Variants in PLA2G5 observed in about 807,000 individuals in gnomAD.
PLA2G5 encodes Ca2+-dependent phospholipase A2.
A neutral mutation model predicts 15.9 loss-of-function variants in PLA2G5; 12 were observed. The observed-to-expected ratio is 0.76, with a 90% CI of 0.48 to 1.23. The LOEUF (loss-of-function observed/expected upper bound fraction) is 1.23, where lower values mean the gene tolerates loss of function less well. Among genes scored for constraint, PLA2G5 ranks in the 50% most tolerant of loss-of-function variants. The pLI is 0.00. For missense variants in PLA2G5, 169 were observed against 177.1 expected, an observed-to-expected ratio of 0.95 and a Z score of 0.26; for synonymous variants, 71 against 71.4, an observed-to-expected ratio of 0.99 and a Z score of 0.03.
intron 1 of PLA2G5, among the ~76,000 whole-genome samples, chr1:20,033,251 C>T (rs1415516574): frequency 6.6e-5 from 10 of 152,110 alleles, no homozygotes; most frequent in Admixed American, 2.6e-4. Context: ...AAAGAGCTTC[C>T]GTTAATGAAC....
chr1:20,079,527 TA>T (rs777737050), intron 1 of PLA2G5, among the ~76,000 whole-genome samples: 6 of 152,206 alleles, frequency 3.9e-5, no homozygotes, highest in Non-Finnish European at 8.8e-5. Context: ...TATTCATTAA[TA>T]GAGACAGGGG....
At chr1:20,084,760 C>A in intron 1 of PLA2G5, 61 bp from the exon 2 acceptor site, 1 of 1,116,532 alleles carries the variant, frequency 9.0e-7, no homozygotes, top group Non-Finnish European at 1.4e-6. Context: ...AGGGTGGGAT[C>A]TGAATGGGCC....
chr1:20,030,398 A>G (rs757898809), intron 1 of PLA2G5, among the ~76,000 whole-genome samples: 1 of 152,176 alleles, frequency 6.6e-6, no homozygotes, highest in Non-Finnish European at 1.5e-5. Flanking sequence ...TCAGTGCGGT[A>G]AAGAGCAGTA....
intron 1 of PLA2G5, among the ~76,000 whole-genome samples, chr1:20,050,726 T>C (rs2014140607): frequency 1.3e-5 from 2 of 152,200 alleles, no homozygotes; most frequent in Admixed American, 6.5e-5. Context: ...TTTTGGGAAA[T>C]ACTTGAGTTA....
At position 20,086,134 on chromosome 1, in the gene PLA2G5, A is replaced by G; in HGVS notation, c.92A>G (p.Lys31Arg). The change falls in exon 3 of 5, where the codon AAG (lysine) becomes AGG (arginine). Residue 31 changes from lysine to arginine, a missense_variant. Lys to Arg is a conservative substitution (Grantham distance 26). Coordinates refer to ENST00000375108, the MANE Select transcript of PLA2G5 (RefSeq NM_000929.3). ...CTGGACCTAAAATCAATGATCGAGAAGGTGACAGGGAAGAACGCCCTGACA... is the reference window on the plus strand; with the variant it reads ...CTGGACCTAAAATCAATGATCGAGAGGGTGACAGGGAAGAACGCCCTGACA... ...GLLDLKSMIE[K>R]VTGKNALTNY... is the part of the protein sequence containing the mutation. The G allele has an allele frequency of 6.2e-7, 1 of 1,614,100 alleles. No individual in the cohort carries two copies. The highest frequency in any genetic ancestry group is 8.5e-7 in the Non-Finnish European group (1 of 1,179,990).
chr1:20,090,797 C>T lies in PLA2G5; in HGVS notation c.*105C>T, dbSNP rs1472961238. On this transcript the variant is annotated 3_prime_UTR_variant, in exon 5 of 5. Coordinates refer to ENST00000375108, the MANE Select transcript of PLA2G5 (RefSeq NM_000929.3). ...CTGAGAGAGGCTCCTAAGTCACAGACCTCAGTCTTTCTCGAAGCTTGGCGG... is the reference window on the plus strand; with the variant it reads ...CTGAGAGAGGCTCCTAAGTCACAGATCTCAGTCTTTCTCGAAGCTTGGCGG... The T allele has an allele frequency of 5.7e-6, 7 of 1,236,698 alleles. No homozygotes were observed. The East Asian group carries it at 1.6e-4, about 29-fold the overall frequency. 76.6% of individuals were successfully genotyped at this position (1,236,698 alleles called of 1,614,324 possible). A position where few individuals can be genotyped will look rare whatever the true frequency, so the allele number is the denominator to read the frequency against.
chr1:20,053,574 G>GT (rs898814667), intron 1 of PLA2G5, among the ~76,000 whole-genome samples: 2 of 143,228 alleles, frequency 1.4e-5, no homozygotes, highest in Non-Finnish European at 3.0e-5. Context: ...ACTTTGCGGG[G>GT]GGGGGGGTGA....
intron 1 of PLA2G5, among the ~76,000 whole-genome samples, chr1:20,034,405 T>C (rs929426278): frequency 6.6e-6 from 1 of 152,094 alleles, no homozygotes; most frequent in African/African-American, 2.4e-5. Flanking sequence ...GAAAAGTGTG[T>C]GGTAGATAGG....
Position 20,074,274 on chromosome 1 carries a change from T to C in PLA2G5, c.-11+3809T>C, listed in dbSNP as rs74057211. 1.6e-3 allele frequency among the ~76,000 whole-genome samples: 251 copies of C among 152,240 alleles called. 1 individual carries two copies. The highest frequency in any genetic ancestry group is 5.9e-3 in the African/African-American group (244 of 41,546). ...TCCTGGAGCCCATCCACTTCTCTCATGCTGGTCATTGCTCTTGTAACATAT... is the reference window on the plus strand; with the variant it reads ...TCCTGGAGCCCATCCACTTCTCTCACGCTGGTCATTGCTCTTGTAACATAT... On this transcript the variant is annotated intron_variant, in intron 1 of 4. Coordinates refer to ENST00000375108, the MANE Select transcript of PLA2G5 (RefSeq NM_000929.3).
intron 1 of PLA2G5, among the ~76,000 whole-genome samples, chr1:20,032,973 C>A (rs2013045078): frequency 6.6e-6 from 1 of 152,170 alleles, no homozygotes; most frequent in East Asian, 1.9e-4. Flanking sequence ...TATGAGTTTG[C>A]CATTTCCTAT....
intron 1 of PLA2G5, among the ~76,000 whole-genome samples, chr1:20,081,642 T>G (rs1244009192): frequency 6.6e-6 from 1 of 151,590 alleles, no homozygotes; most frequent in African/African-American, 2.4e-5. Flanking sequence ...CCTGGGGTGA[T>G]TTAGGGCAGG....
At chr1:20,076,185 TCTG>T (rs1160062768) in intron 1 of PLA2G5, among the ~76,000 whole-genome samples, 1 of 152,226 alleles carries the variant, frequency 6.6e-6, no homozygotes, top group African/African-American at 2.4e-5. Flanking sequence ...AATGTGGATG[TCTG>T]TCTAGGATCT....
chr1:20,030,657 T>C (rs541058544), intron 1 of PLA2G5, among the ~76,000 whole-genome samples: 164 of 152,286 alleles, frequency 1.1e-3, no homozygotes, highest in Non-Finnish European at 1.8e-3. Flanking sequence ...TAGCTCAGGC[T>C]GTCTCAGTGG....
intron 1 of PLA2G5, 137 bp from the exon 2 acceptor site, chr1:20,084,684 C>T: frequency 1.4e-6 from 1 of 697,062 alleles, no homozygotes; most frequent in Non-Finnish European, 2.6e-6. Flanking sequence ...TCTTTTCTGG[C>T]TGGACTCATC....
At chr1:20,070,046 G>A (rs2015268243), upstream of PLA2G5, among the ~76,000 whole-genome samples, 1 of 152,192 alleles carries the variant, frequency 6.6e-6, no homozygotes, top group African/African-American at 2.4e-5. Flanking sequence ...GATTAGCAAA[G>A]GCTTGTGAAG....
At chr1:20,058,932 G>A (rs980551903) in intron 1 of PLA2G5, among the ~76,000 whole-genome samples, 10 of 152,016 alleles carry the variant, frequency 6.6e-5, no homozygotes, top group African/African-American at 2.4e-4. Context: ...CCAGCACTTT[G>A]GGAGGCCGAG....
At chr1:20,038,465 T>G (rs984117349) in intron 1 of PLA2G5, among the ~76,000 whole-genome samples, 7 of 152,186 alleles carry the variant, frequency 4.6e-5, no homozygotes, top group Non-Finnish European at 8.8e-5. Context: ...TCCTGCTGCT[T>G]CTTCTACTTT....
chr1:20,068,796 C>A, upstream of PLA2G5: 1 of 398,846 alleles, frequency 2.5e-6, no homozygotes, highest in South Asian at 2.3e-5. Context: ...AGACAACTGG[C>A]ATGCTTACAG....
chr1:20,087,544 T>C (rs2016354477), intron 3 of PLA2G5, among the ~76,000 whole-genome samples: 1 of 152,040 alleles, frequency 6.6e-6, no homozygotes. Flanking sequence ...TTTTTTTTTA[T>C]ACACATGGGC....
Sources: gnomAD v4.1 joint callset for allele counts (sites outside exome capture counted in the v4.1 genomes callset) on GRCh38, gnomAD v4.1.1 for gene constraint, MANE v1.5 for transcripts, NCBI Gene and HGNC (gene_info 2026-07-23, HGNC 2026-07-21) for gene names.